NR2F2: variants seen among roughly 807,000 people sequenced by gnomAD.
The protein encoded by NR2F2 is nuclear receptor subfamily 2 group F member 2.
A neutral mutation model predicts 34.8 loss-of-function variants in NR2F2; 2 were observed. The ratio of observed to expected loss-of-function variants is 0.06; its 90% CI spans 0.02 to 0.18. NR2F2 has a LOEUF of 0.18. NR2F2 is among the 10% of genes least tolerant of loss of function. The probability of loss-of-function intolerance (pLI) is 1.00; values close to 1 mark genes in which losing one functional copy is unlikely to be tolerated. For synonymous variants in NR2F2, 274 were observed against 251.8 expected (o/e 1.09, Z -0.84); for missense variants, 300 against 580.1 (o/e 0.52, Z 4.96).
At position 96,333,885 on chromosome 15, in the gene NR2F2, C is replaced by T; in HGVS notation, c.443-191C>T. On this transcript the variant is annotated intron_variant, in intron 1 of 2. Transcript: ENST00000394166. ...AAGTGTGCCCCTCTGGCCCTCAGAG[C>T]TCGCCTGGGTGGTGGTTTGAAAGGA... 3 of 1,434,246 alleles carry T rather than the reference C, an allele frequency of 2.1e-6. No individual in the cohort carries two copies. In the East Asian group the frequency reaches 7.5e-5, roughly 36 times the overall value. The allele number at this position is 1,434,246 out of a possible 1,614,324, so 88.8% of individuals were successfully genotyped here.
chr15:96,333,795 G>A, intron 1 of NR2F2: 1 of 1,386,086 alleles, frequency 7.2e-7, no homozygotes, highest in African/African-American at 1.4e-5. Flanking sequence ...CAGCGCCGGG[G>A]ACCCCGAGGC....
At chr15:96,334,838 C>CAT (rs1278147471) in intron 2 of NR2F2, among the ~76,000 whole-genome samples, 1 of 152,260 alleles carries the variant, frequency 6.6e-6, no homozygotes, top group Non-Finnish European at 1.5e-5. Context: ...CCACATGGGC[C>CAT]ATAGGGCAGC....
chr15:96,337,987 C>CT lies in NR2F2; in HGVS notation c.*375dup, dbSNP rs986239265. The stretch of plus-strand genomic sequence containing the variant: ...AATTAGCAGAATGGAGAAAGTAAGT[C>CT]TTTTTTTTTTCCAAATTATTAATTG... On this transcript the variant is annotated 3_prime_UTR_variant, in exon 3 of 3. Coordinates refer to ENST00000394166, the MANE Select transcript of NR2F2 (RefSeq NM_021005.4). The CT allele has an allele frequency of 5.2e-3, 853 of 165,628 alleles. 6 individuals are homozygous for CT. Among genetic ancestry groups the CT allele is most frequent in the East Asian group, 0.014 (86 of 5,960 alleles). The allele number at this position is 165,628 out of a possible 1,614,324, so 10.3% of individuals were successfully genotyped here.
upstream of NR2F2, among the ~76,000 whole-genome samples, chr15:96,330,249 C>G (rs1455335655): frequency 6.6e-6 from 1 of 152,162 alleles, no homozygotes; most frequent in Non-Finnish European, 1.5e-5. Context: ...AGGCAAACTC[C>G]CCGATTCCAT....
chr15:96,328,800 G>A (rs796849544), upstream of NR2F2, among the ~76,000 whole-genome samples: 7 of 147,384 alleles, frequency 4.7e-5, no homozygotes, highest in African/African-American at 1.0e-4. Context: ...CAAATAAACC[G>A]AGAACCTGCA....
At position 96,332,091 on chromosome 15, in the gene NR2F2, G is replaced by T; in HGVS notation, c.-15G>T. ...AGCCAGGGGAGCAGGAAGTCCGGAC[G>T]CAGCCCCCATAGATATGGCAATGGT... On this transcript the variant is annotated 5_prime_UTR_variant, in exon 1 of 3. Transcript: ENST00000394166. 7.7e-7 allele frequency: 1 copy of T among 1,299,264 alleles called. No homozygotes were observed. The allele number at this position is 1,299,264 out of a possible 1,614,324, so 80.5% of individuals were successfully genotyped here.
At position 96,333,457 on chromosome 15, in the gene NR2F2, C is replaced by T. The variant is rs907462043; in HGVS notation, c.443-619C>T. The T allele has an allele frequency of 4.0e-6, 4 of 1,002,656 alleles. No homozygotes were observed. The African/African-American group carries it at 7.0e-5, about 18-fold the overall frequency. 62.1% of individuals were successfully genotyped at this position (1,002,656 alleles called of 1,614,324 possible). ...TGCTCCCTGCCTCTCCCGGCTTCCT[C>T]TCTCTTTAGCCGGCCTCTCTCTCTC... is the stretch of plus-strand genomic sequence containing the variant. On this transcript the variant is annotated intron_variant, in intron 1 of 2. Coordinates refer to ENST00000394166, the MANE Select transcript of NR2F2 (RefSeq NM_021005.4).
At position 96,332,003 on chromosome 15, in the gene NR2F2, CACAA is replaced by C. The variant is rs1435235184; in HGVS notation, c.-101_-98del. 1 of 1,223,228 alleles carries C rather than the reference CACAA, an allele frequency of 8.2e-7. No homozygotes were observed. 75.8% of individuals were successfully genotyped at this position (1,223,228 alleles called of 1,614,324 possible). ...CCGCGCCCTCTTGCACCCTCGCACA[CACAA>C]AAGGCGGCGCGCCGGAGCCCGAGAC... On this transcript the variant is annotated 5_prime_UTR_variant, in exon 1 of 3. Coordinates refer to ENST00000394166, the MANE Select transcript of NR2F2 (RefSeq NM_021005.4).
At position 96,334,087 on chromosome 15, in the gene NR2F2, G is replaced by A; in HGVS notation, c.454G>A (p.Gly152Ser). The A allele has an allele frequency of 6.2e-7, 1 of 1,612,902 alleles. No individual in the cohort carries two copies. Among genetic ancestry groups the A allele is most frequent in the Non-Finnish European group, 8.5e-7 (1 of 1,179,858 alleles). Reference protein sequence around the residue: ...VGMRREAVQRGRMPPTQPTHG... With the variant: ...VGMRREAVQRSRMPPTQPTHG... ...TTTCCTCCCCGCAGCGGTGCAGAGGGGCAGGATGCCGCCGACCCAGCCGAC... is the reference window on the plus strand; with the variant it reads ...TTTCCTCCCCGCAGCGGTGCAGAGGAGCAGGATGCCGCCGACCCAGCCGAC... The change falls in exon 2 of 3, where the codon GGC becomes AGC. Residue 152 changes from glycine (G) to serine (S), a missense_variant. Transcript: ENST00000394166.
In NR2F2 at chr15:96,340,151, A is replaced by G. The variant is rs890347012; in HGVS notation, c.*2529A>G. 3 of 152,224 alleles carry G rather than the reference A, an allele frequency of 2.0e-5. No individual in the cohort carries two copies. The highest frequency in any genetic ancestry group is 4.4e-5 in the Non-Finnish European group (3 of 68,036). 9.4% of individuals were successfully genotyped at this position (152,224 alleles called of 1,614,324 possible). A position where few individuals can be genotyped will look rare whatever the true frequency, so the allele number is the denominator to read the frequency against. ...GTGTGTGAAGTTTCTCTAATAAGTA[A>G]AACACAGGCCCTTTTCCTTGTTTGT... On this transcript the variant is annotated 3_prime_UTR_variant, in exon 3 of 3. Coordinates refer to ENST00000394166, the MANE Select transcript of NR2F2 (RefSeq NM_021005.4).
chr15:96,337,337 C>T lies in NR2F2; in HGVS notation c.971-11C>T, dbSNP rs1208596248. On this transcript the variant is annotated splice_polypyrimidine_tract_variant and intron_variant, in intron 2 of 2. Transcript: ENST00000394166. ...TTCTTCTTCTTCTTCTGTTTTTAAA[C>T]TTTCTTCCAGATGCCTGTGGTCTCT... 1.9e-6 allele frequency: 3 copies of T among 1,602,308 alleles called. No individual in the cohort carries two copies. The highest frequency in any genetic ancestry group is 2.6e-6 in the Non-Finnish European group (3 of 1,173,630).
chr15:96,331,078 C>T lies in NR2F2; in HGVS notation c.-1028C>T, dbSNP rs1899125196. 2.4e-6 allele frequency: 3 copies of T among 1,235,410 alleles called. No individual in the cohort carries two copies. The highest frequency in any genetic ancestry group is 3.0e-6 in the Non-Finnish European group (3 of 992,356). 76.5% of individuals were successfully genotyped at this position (1,235,410 alleles called of 1,614,324 possible). A position where few individuals can be genotyped will look rare whatever the true frequency, so the allele number is the denominator to read the frequency against. ...GCAGCAGCAGCAGCAGCGGCTCCGG[C>T]GGCGGCAGCAGCGGCAGCAGCGACT... is the stretch of plus-strand genomic sequence containing the variant. On this transcript the variant is annotated 5_prime_UTR_variant, in exon 1 of 3. Coordinates refer to ENST00000394166, the MANE Select transcript of NR2F2 (RefSeq NM_021005.4).
chr15:96,326,356 T>C, upstream of NR2F2: 2 of 1,612,024 alleles, frequency 1.2e-6, no homozygotes, highest in South Asian at 2.2e-5. This position sits in a 1 kb window ranked among gnomAD's most constrained non-coding sequence, Gnocchi z 5.5. Flanking sequence ...GGTTTTGGTA[T>C]GTTTACTTAC....
Position 96,333,978 on chromosome 15 carries a change from C to A in NR2F2, c.443-98C>A, listed in dbSNP as rs540574780. On this transcript the variant is annotated intron_variant, in intron 1 of 2. Transcript: ENST00000394166. ...GCCTGGTTCTTGCGCTGCTCAGGGC[C>A]TGGGTCAGGTGGGGGTCGGGCTGGG... 7 of 1,537,104 alleles carry A rather than the reference C, an allele frequency of 4.6e-6. No homozygotes were observed. The Admixed American group carries it at 1.3e-4, about 28-fold the overall frequency.
Position 96,337,551 on chromosome 15 carries a change from A to G in NR2F2, c.1174A>G (p.Ile392Val), listed in dbSNP as rs764841953. 1 of 1,614,088 alleles carries G rather than the reference A, an allele frequency of 6.2e-7. No individual in the cohort carries two copies. Among genetic ancestry groups the G allele is most frequent in the Non-Finnish European group, 8.5e-7 (1 of 1,180,014 alleles). The part of the protein sequence containing the change: ...FFVRLVGKTP[I>V]ETLIRDMLLS... Reference sequence around the variant, plus strand: ...CGTCCGTTTGGTAGGTAAAACCCCCATCGAAACCCTCATCCGGGATATGTT... The same window carrying G: ...CGTCCGTTTGGTAGGTAAAACCCCCGTCGAAACCCTCATCCGGGATATGTT... The change falls in exon 3 of 3, where the codon ATC (isoleucine) becomes GTC (valine). Residue 392 changes from isoleucine to valine, a missense_variant. Ile to Val is a conservative substitution (Grantham distance 29, BLOSUM62 3). Coordinates refer to ENST00000394166, the MANE Select transcript of NR2F2 (RefSeq NM_021005.4).
upstream of NR2F2, chr15:96,326,922 C>T (rs1383201099): frequency 6.5e-6 from 1 of 153,182 alleles, no homozygotes; most frequent in African/African-American, 2.4e-5. The surrounding 1 kb of genome is among the most constrained non-coding windows in gnomAD (Gnocchi z 5.5). Context: ...CTCGGTTAAG[C>T]TAGGAGGAGA....
At chr15:96,334,727 C>G in intron 2 of NR2F2, 124 bp downstream of exon 2, 3 of 1,070,952 alleles carry the variant, frequency 2.8e-6, no homozygotes, top group Non-Finnish European at 4.0e-6. Context: ...TTGAGTGCAA[C>G]TTAAAGTGGG....
At chr15:96,337,169 C>A (rs565384599) in intron 2 of NR2F2, among the ~76,000 whole-genome samples, 179 bp from the exon 3 acceptor site, 1 of 152,072 alleles carries the variant, frequency 6.6e-6, no homozygotes, top group African/African-American at 2.4e-5. Flanking sequence ...GCCTCCCCCC[C>A]TTAAGTTTTC....
chr15:96,328,451 T>G (rs1899047064), upstream of NR2F2, among the ~76,000 whole-genome samples: 1 of 152,202 alleles, frequency 6.6e-6, no homozygotes, highest in South Asian at 2.1e-4. Flanking sequence ...CATCCTCTAT[T>G]GAGATGGGAA....
Sources: allele counts gnomAD v4.1 joint callset (sites outside exome capture counted in the v4.1 genomes callset), GRCh38; gene constraint gnomAD v4.1.1; non-coding constraint Gnocchi (gnomAD v3.1); transcripts MANE v1.5; gene names NCBI Gene and HGNC (gene_info 2026-07-23, HGNC 2026-07-21).